KCNMB2: variants seen among roughly 807,000 people sequenced by gnomAD.
KCNMB2 encodes the protein potassium calcium-activated channel subfamily M regulatory beta subunit 2.
A neutral mutation model predicts 24.5 loss-of-function variants in KCNMB2; 9 were observed. That is an observed-to-expected ratio of 0.37 (90% CI 0.22 to 0.64). KCNMB2 has a LOEUF of 0.64. Ranked by LOEUF, KCNMB2 falls within the 30% of genes least tolerant of loss-of-function variation. KCNMB2 has a pLI of 0.63. For missense variants in KCNMB2, 226 were observed against 284.3 expected, an observed-to-expected ratio of 0.79 and a Z score of 1.47; for synonymous variants, 109 against 104.4, an observed-to-expected ratio of 1.04 and a Z score of -0.27.
chr3:178,724,628 T>C (rs1343100219), intron 1 of KCNMB2, among the ~76,000 whole-genome samples: 1 of 152,222 alleles, frequency 6.6e-6, no homozygotes, highest in Admixed American at 6.5e-5. Flanking sequence ...AGGATTTTTA[T>C]AGTTTAAGGT....
chr3:178,568,169 T>A (rs746869071), intron 1 of KCNMB2, among the ~76,000 whole-genome samples: 1 of 152,206 alleles, frequency 6.6e-6, no homozygotes, highest in Non-Finnish European at 1.5e-5. Context: ...GCAGTTAGAC[T>A]TGGTTTATAA....
intron 1 of KCNMB2, among the ~76,000 whole-genome samples, chr3:178,723,363 T>C (rs1378079730): frequency 6.6e-6 from 1 of 152,198 alleles, no homozygotes; most frequent in Non-Finnish European, 1.5e-5. Flanking sequence ...ATAATATGTC[T>C]CTCCATCTAT....
chr3:178,687,844 G>A (rs1243515318), intron 1 of KCNMB2, among the ~76,000 whole-genome samples: 1 of 151,982 alleles, frequency 6.6e-6, no homozygotes, highest in Non-Finnish European at 1.5e-5. Flanking sequence ...GAATATTTCT[G>A]CAAACTACTT....
At chr3:178,693,960 A>G (rs112008811) in intron 1 of KCNMB2, among the ~76,000 whole-genome samples, 1 of 149,842 alleles carries the variant, frequency 6.7e-6, no homozygotes, top group East Asian at 1.9e-4. Context: ...TGGTCTTTTC[A>G]GGGATTAAAC....
chr3:178,538,997 T>A (rs1165391846), intron 1 of KCNMB2, among the ~76,000 whole-genome samples: 1 of 152,150 alleles, frequency 6.6e-6, no homozygotes, highest in African/African-American at 2.4e-5. Context: ...CCCCTTGATA[T>A]AAAAAATAAG....
chr3:178,771,188 A>G (rs1712334531), intron 1 of KCNMB2, among the ~76,000 whole-genome samples: 4 of 152,122 alleles, frequency 2.6e-5, no homozygotes, highest in Admixed American at 2.6e-4. Context: ...TAGATTCAGC[A>G]TCTCCAACGC....
chr3:178,601,033 T>C (rs1718063890), intron 1 of KCNMB2, among the ~76,000 whole-genome samples: 1 of 152,170 alleles, frequency 6.6e-6, no homozygotes, highest in Non-Finnish European at 1.5e-5. Context: ...GATGAGTTCA[T>C]GTCCTTTGCA....
chr3:178,822,209 C>T (rs938263266), intron 2 of KCNMB2, among the ~76,000 whole-genome samples: 2 of 152,218 alleles, frequency 1.3e-5, no homozygotes, highest in Non-Finnish European at 2.9e-5. Context: ...TTGCAAGTCT[C>T]CATCCCTTTG....
intron 1 of KCNMB2, among the ~76,000 whole-genome samples, chr3:178,756,710 T>C (rs1344080554): frequency 6.6e-6 from 1 of 152,116 alleles, no homozygotes; most frequent in Non-Finnish European, 1.5e-5. Context: ...TGATGCTACT[T>C]TAGCACTTTC....
At chr3:178,739,161 G>A (rs902521007) in intron 1 of KCNMB2, among the ~76,000 whole-genome samples, 1 of 150,946 alleles carries the variant, frequency 6.6e-6, no homozygotes, top group Non-Finnish European at 1.5e-5. Flanking sequence ...AGAGGATTCA[G>A]AAGTGGGCCA....
chr3:178,781,599 T>A (rs1374250122), intron 1 of KCNMB2, among the ~76,000 whole-genome samples: 8 of 150,744 alleles, frequency 5.3e-5, no homozygotes, highest in South Asian at 2.1e-4. Flanking sequence ...ATTTAAAAAA[T>A]AATAATAATA....
At chr3:178,557,324 A>G (rs574541900) in intron 1 of KCNMB2, among the ~76,000 whole-genome samples, 2 of 152,258 alleles carry the variant, frequency 1.3e-5, no homozygotes, top group Admixed American at 1.3e-4. Flanking sequence ...TTCCTCTGAG[A>G]TGAGGGTAGT....
chr3:178,595,830 G>T (rs530788614), intron 1 of KCNMB2, among the ~76,000 whole-genome samples: 11 of 152,206 alleles, frequency 7.2e-5, no homozygotes, highest in African/African-American at 2.4e-4. Context: ...GAATGGCGCA[G>T]GATGACAAGT....
chr3:178,728,713 A>G (rs1027430989), intron 1 of KCNMB2, among the ~76,000 whole-genome samples: 5 of 152,158 alleles, frequency 3.3e-5, no homozygotes, highest in Middle Eastern at 3.2e-3. Context: ...ACCTCCATCC[A>G]GAGTTACAAT....
rs558525452 is a variant in KCNMB2 at position 178,563,668 on chromosome 3, T to C, written c.-68+26957T>C. ...TTAAGTACCCAGGAAAAATGAAGTA[T>C]GGGGAAGGCATATGCAATCCTAGAA... On this transcript the variant is annotated intron_variant, in intron 1 of 4. Transcript: ENST00000452583. 3.9e-5 allele frequency among the ~76,000 whole-genome samples: 6 copies of C among 152,244 alleles called. No individual in the cohort carries two copies. The East Asian group carries it at 1.2e-3, about 29-fold the overall frequency.
At chr3:178,800,900 T>C (rs1196131840) in intron 1 of KCNMB2, among the ~76,000 whole-genome samples, 2 of 152,170 alleles carry the variant, frequency 1.3e-5, no homozygotes, top group Admixed American at 1.3e-4. Context: ...GAGGTCATTA[T>C]ATTACATGAA....
intron 1 of KCNMB2, among the ~76,000 whole-genome samples, chr3:178,717,119 C>A (rs554537928): frequency 3.9e-4 from 59 of 150,012 alleles, no homozygotes; most frequent in African/African-American, 1.4e-3. Flanking sequence ...TATATGTCAA[C>A]ATCAAGATGT....
At chr3:178,722,235 CCTT>C (rs1234464683) in intron 1 of KCNMB2, among the ~76,000 whole-genome samples, 1 of 152,006 alleles carries the variant, frequency 6.6e-6, no homozygotes, top group Non-Finnish European at 1.5e-5. Context: ...AAAATGAGGT[CCTT>C]TTTTTACACA....
intron 1 of KCNMB2, among the ~76,000 whole-genome samples, chr3:178,574,068 C>A (rs1351304251): frequency 6.6e-6 from 1 of 151,920 alleles, no homozygotes; most frequent in African/African-American, 2.4e-5. Context: ...TTATTTTTTC[C>A]AAGAATAGAG....
Sources: allele counts gnomAD v4.1 joint callset (sites outside exome capture counted in the v4.1 genomes callset), GRCh38; gene constraint gnomAD v4.1.1; transcripts MANE v1.5; gene names NCBI Gene and HGNC (gene_info 2026-07-23, HGNC 2026-07-21).